The following PCBP3 variants were observed in gnomAD, a reference collection of about 807,000 sequenced individuals.
PCBP3 encodes the protein poly(rC)-binding protein 3.
PCBP3 carries 25 observed loss-of-function variants against 52.7 expected under a neutral mutation model. That is an observed-to-expected ratio of 0.47 (90% confidence interval 0.35 to 0.66). PCBP3 has a LOEUF of 0.66. PCBP3 is among the 30% of genes least tolerant of loss of function. The pLI, the probability that PCBP3 is intolerant of heterozygous loss-of-function variation, is 0.01. For missense variants in PCBP3, 391 were observed against 490.3 expected (o/e 0.80, Z 1.91); for synonymous variants, 162 against 183.0 (o/e 0.89, Z 0.93).
intron 15 of PCBP3, 79 bp downstream of exon 15, chr21:45,930,924 T>G: frequency 1.3e-6 from 2 of 1,578,552 alleles, no homozygotes; most frequent in South Asian, 1.1e-5. Flanking sequence ...GTGGGGGCCC[T>G]GCCGCTGCAG....
intron 6 of PCBP3, among the ~76,000 whole-genome samples, chr21:45,898,345 G>A (rs111646496): frequency 0.045 from 1,193 of 26,684 alleles, 90 homozygotes; most frequent in African/African-American, 0.1. Flanking sequence ...GCCTCCCTCT[G>A]CACACCATCC....
At position 45,770,628 on chromosome 21, in the gene PCBP3, A is replaced by G. The variant is rs189750331; in HGVS notation, c.-126+15176A>G. Reference sequence around the variant, plus strand: ...TGGACATTTTCTGCTGTGAGCCCTCATTTTTCACCGGGATCTCCTTTAAGG... The same window carrying G: ...TGGACATTTTCTGCTGTGAGCCCTCGTTTTTCACCGGGATCTCCTTTAAGG... On this transcript the variant is annotated intron_variant, in intron 4 of 17. Transcript: ENST00000681687. Among the ~76,000 whole-genome samples the G allele has an allele frequency of 5.3e-5, 8 of 152,010 alleles. No homozygotes were observed. The East Asian group carries it at 1.6e-3, about 29-fold the overall frequency.
At chr21:45,900,721 G>A (rs1215015091) in intron 8 of PCBP3, 98 bp downstream of exon 8, 2 of 1,004,990 alleles carry the variant, frequency 2.0e-6, no homozygotes, top group East Asian at 4.8e-5. Context: ...TGTGCTCTTG[G>A]CCAGCCGGGG....
chr21:45,924,442 G>A (rs1250382995), intron 13 of PCBP3, among the ~76,000 whole-genome samples: 3 of 129,260 alleles, frequency 2.3e-5, no homozygotes, highest in African/African-American at 3.7e-5. Context: ...GGGAACAGTC[G>A]CGTGGGTAGA....
rs923428765 is a variant in PCBP3 at position 45,735,851 on chromosome 21, G to T, written c.-162+422G>T. On this transcript the variant is annotated intron_variant, in intron 3 of 17. Coordinates refer to ENST00000681687, the MANE Select transcript of PCBP3 (RefSeq NM_001384156.1). This position sits in a 1 kb window ranked among gnomAD's most constrained non-coding sequence, Gnocchi z 4.0. ...CCACTGCCCGGTAGTGCCTGTGTGT[G>T]CGGTGGCCATGATGGCACCACAATG... is the stretch of plus-strand genomic sequence containing the variant. 9.9e-5 allele frequency among the ~76,000 whole-genome samples: 15 copies of T among 152,176 alleles called. No individual in the cohort carries two copies. The highest frequency in any genetic ancestry group is 5.9e-4 in the Admixed American group (9 of 15,282).
At chr21:45,833,600 G>C (rs1048707260) in intron 4 of PCBP3, among the ~76,000 whole-genome samples, 1 of 152,232 alleles carries the variant, frequency 6.6e-6, no homozygotes, top group Non-Finnish European at 1.5e-5. Flanking sequence ...GGGTGTTTCT[G>C]CTTCACCAGG....
chr21:45,801,708 G>C (rs2146754215), intron 4 of PCBP3, among the ~76,000 whole-genome samples: 1 of 152,348 alleles, frequency 6.6e-6, no homozygotes, highest in Non-Finnish European at 1.5e-5. Flanking sequence ...GCCTTTAGCT[G>C]CAGTATTCTT....
intron 1 of PCBP3, among the ~76,000 whole-genome samples, chr21:45,655,308 G>A (rs1300464480): frequency 2.0e-5 from 3 of 151,418 alleles, no homozygotes; most frequent in South Asian, 2.1e-4. Flanking sequence ...CAACATCTTC[G>A]GGAAACAATT....
intron 1 of PCBP3, among the ~76,000 whole-genome samples, chr21:45,647,045 G>A (rs2079360551): frequency 7.3e-6 from 1 of 136,196 alleles, no homozygotes; most frequent in Non-Finnish European, 1.5e-5. Context: ...CTTTAGAATT[G>A]CCCCACAGGT....
intron 13 of PCBP3, among the ~76,000 whole-genome samples, chr21:45,923,286 G>A: frequency 6.6e-6 from 1 of 152,190 alleles, no homozygotes; most frequent in Non-Finnish European, 1.5e-5. Context: ...CATGCCGAGG[G>A]GCCCAGCCTC....
At chr21:45,810,760 C>G (rs1385767690) in intron 4 of PCBP3, among the ~76,000 whole-genome samples, 1 of 152,134 alleles carries the variant, frequency 6.6e-6, no homozygotes, top group African/African-American at 2.4e-5. Context: ...TGTTATGTCT[C>G]TATGTGTTTG....
chr21:45,925,958 C>A (rs1228047615), intron 13 of PCBP3, among the ~76,000 whole-genome samples: 1 of 152,222 alleles, frequency 6.6e-6, no homozygotes, highest in Non-Finnish European at 1.5e-5. Flanking sequence ...ACGTGATTGC[C>A]GTACCTCGAA....
chr21:45,736,764 A>G lies in PCBP3; in HGVS notation c.-162+1335A>G, dbSNP rs907708955. On this transcript the variant is annotated intron_variant, in intron 3 of 17. Coordinates refer to ENST00000681687, the MANE Select transcript of PCBP3 (RefSeq NM_001384156.1). This position sits in a 1 kb window ranked among gnomAD's most constrained non-coding sequence, Gnocchi z 4.6. ...CTTCATTCGTTCAGCACATGTTTAC[A>G]GTGTGCCTGTGATGTCCCAGGCGCA... Among the ~76,000 whole-genome samples the G allele has an allele frequency of 6.6e-6, 1 of 152,220 alleles. No homozygotes were observed. The highest frequency in any genetic ancestry group is 2.4e-5 in the African/African-American group (1 of 41,460).
chr21:45,737,386 T>G lies in PCBP3; in HGVS notation c.-162+1957T>G, dbSNP rs1256825564. On this transcript the variant is annotated intron_variant, in intron 3 of 17. Coordinates refer to ENST00000681687, the MANE Select transcript of PCBP3 (RefSeq NM_001384156.1). This position sits in a 1 kb window ranked among gnomAD's most constrained non-coding sequence, Gnocchi z 4.9. Reference sequence around the variant, plus strand: ...TAATCTTACAAATCTGGATCTAATTTTCACCAAACTCTCAAGGGAAGAGCC... The same window carrying G: ...TAATCTTACAAATCTGGATCTAATTGTCACCAAACTCTCAAGGGAAGAGCC... Among the ~76,000 whole-genome samples the G allele has an allele frequency of 2.0e-5, 3 of 152,220 alleles. No individual in the cohort carries two copies. Among genetic ancestry groups the G allele is most frequent in the Non-Finnish European group, 1.5e-5 (1 of 68,034 alleles).
At chr21:45,923,689 G>C (rs1041570245) in intron 13 of PCBP3, among the ~76,000 whole-genome samples, 1 of 152,212 alleles carries the variant, frequency 6.6e-6, no homozygotes, top group Non-Finnish European at 1.5e-5. Context: ...AATTCCAAGA[G>C]ACACACAGAG....
At chr21:45,795,483 A>G (rs1325911204) in intron 4 of PCBP3, among the ~76,000 whole-genome samples, 1 of 152,200 alleles carries the variant, frequency 6.6e-6, no homozygotes, top group Non-Finnish European at 1.5e-5. Flanking sequence ...ATGATAGCCA[A>G]AAGTAACCCA....
At chr21:45,903,239 G>C (rs778894603) in intron 9 of PCBP3, among the ~76,000 whole-genome samples, 1 of 152,140 alleles carries the variant, frequency 6.6e-6, no homozygotes, top group Admixed American at 6.5e-5. Context: ...AGCTTCAGTT[G>C]GGACCTGTTT....
At chr21:45,889,248 C>T (rs1298510956) in intron 5 of PCBP3, among the ~76,000 whole-genome samples, 1 of 152,132 alleles carries the variant, frequency 6.6e-6, no homozygotes, top group Non-Finnish European at 1.5e-5. Context: ...ATGTAAGTGC[C>T]CCGAGCTGCC....
At chr21:45,893,677 C>T (rs2095746619) in intron 5 of PCBP3, 1 of 860,212 alleles carries the variant, frequency 1.2e-6, no homozygotes, top group Non-Finnish European at 1.3e-6. Context: ...TTCTCCCTGT[C>T]CCATTGCATG....
Sources: allele counts gnomAD v4.1 joint callset (sites outside exome capture counted in the v4.1 genomes callset), GRCh38; gene constraint gnomAD v4.1.1; non-coding constraint Gnocchi (gnomAD v3.1); transcripts MANE v1.5; gene names NCBI Gene and HGNC (gene_info 2026-07-23, HGNC 2026-07-21).